FRMPD4: variants seen among roughly 807,000 people sequenced by gnomAD.
FRMPD4 encodes FERM and PDZ domain-containing protein 4.
In FRMPD4, 22 loss-of-function variants were observed where a neutral mutation model predicts 94.1. The ratio of observed to expected loss-of-function variants is 0.23; its 90% CI spans 0.17 to 0.33. The LOEUF (loss-of-function observed/expected upper bound fraction) is 0.33, where lower values mean the gene tolerates loss of function less well. Ranked by LOEUF, FRMPD4 falls within the 10% of genes least tolerant of loss-of-function variation. FRMPD4 has a pLI of 1.00. For missense variants in FRMPD4, 1,111 were observed against 1,339.9 expected (o/e 0.83, Z 2.67); for synonymous variants, 631 against 548.6 (o/e 1.15, Z -2.10).
intron 5 of FRMPD4, among the ~76,000 whole-genome samples, chrX:12,682,843 G>T (rs2059986197): frequency 8.9e-6 from 1 of 111,942 alleles, no homozygotes; most frequent in African/African-American, 3.2e-5. Flanking sequence ...GGAAGAATAT[G>T]AAGTCAACTT....
At chrX:12,609,928 A>C (rs1160592809) in intron 3 of FRMPD4, 47 bp downstream of exon 3, 1 of 1,082,892 alleles carries the variant, frequency 9.2e-7, no homozygotes, top group East Asian at 3.0e-5. Flanking sequence ...TGTCTGCCAC[A>C]CTCTGCCAGA....
At chrX:12,429,309 G>C (rs753072456) in intron 1 of FRMPD4, among the ~76,000 whole-genome samples, 2 of 111,840 alleles carry the variant, frequency 1.8e-5, no homozygotes, top group East Asian at 5.6e-4. Flanking sequence ...ATGGTTGTTT[G>C]ACTGCAATCA....
chrX:12,437,150 C>T (rs1333847979), intron 1 of FRMPD4, among the ~76,000 whole-genome samples: 1 of 109,511 alleles, frequency 9.1e-6, no homozygotes, highest in East Asian at 2.8e-4. Context: ...ATTATTTTTG[C>T]TTCCCTTTCT....
At chrX:12,272,874 G>A (rs2054375504) in intron 1 of FRMPD4, among the ~76,000 whole-genome samples, 1 of 111,189 alleles carries the variant, frequency 9.0e-6, no homozygotes, top group African/African-American at 3.3e-5. Context: ...TTTGAGACCA[G>A]CCTGGTCAAC....
chrX:12,162,923 C>A (rs1348704116), intron 1 of FRMPD4, among the ~76,000 whole-genome samples: 1 of 111,710 alleles, frequency 9.0e-6, no homozygotes, highest in Non-Finnish European at 1.9e-5. Context: ...TTACAGTCTT[C>A]ACCTTTGTGA....
chrX:12,179,518 A>G (rs1020042148), intron 1 of FRMPD4, among the ~76,000 whole-genome samples: 2 of 111,893 alleles, frequency 1.8e-5, no homozygotes, highest in African/African-American at 6.5e-5. Context: ...AGGCTTGTAA[A>G]TCTTGGCTGC....
At chrX:12,344,628 T>A (rs969241698) in intron 1 of FRMPD4, among the ~76,000 whole-genome samples, 7 of 112,475 alleles carry the variant, frequency 6.2e-5, no homozygotes, top group African/African-American at 2.3e-4. Context: ...ATTAAAATAG[T>A]ACTGAGCCCC....
chrX:12,074,729 A>G (rs888624386), intron 3 of FRMPD4, among the ~76,000 whole-genome samples: 7 of 112,677 alleles, frequency 6.2e-5, no homozygotes, highest in Non-Finnish European at 1.1e-4. Flanking sequence ...ATGTTTTGCT[A>G]GCTTTTCTCC....
chrX:12,282,036 T>C (rs994081648), intron 1 of FRMPD4, among the ~76,000 whole-genome samples: 1 of 112,416 alleles, frequency 8.9e-6, no homozygotes, highest in Non-Finnish European at 1.9e-5. Context: ...TAATAGACTA[T>C]TGATACAAAT....
At chrX:12,281,058 A>G (rs2054516434) in intron 1 of FRMPD4, among the ~76,000 whole-genome samples, 1 of 112,272 alleles carries the variant, frequency 8.9e-6, no homozygotes, top group Non-Finnish European at 1.9e-5. Flanking sequence ...AACCCCAAGC[A>G]TTACTGTGGG....
At chrX:12,299,794 C>T (rs1171462500) in intron 1 of FRMPD4, among the ~76,000 whole-genome samples, 2 of 111,580 alleles carry the variant, frequency 1.8e-5, no homozygotes, top group African/African-American at 6.5e-5. Context: ...ACAATAGATG[C>T]GTGGAAGAAT....
intron 3 of FRMPD4, among the ~76,000 whole-genome samples, chrX:12,046,513 G>A (rs181339990): frequency 9.9e-4 from 110 of 111,650 alleles, no homozygotes; most frequent in Non-Finnish European, 1.8e-3. Context: ...GACACCAGTC[G>A]TGAGTCTGGG....
chrX:11,880,473 C>T (rs1454852347), intron 3 of FRMPD4, among the ~76,000 whole-genome samples: 1 of 111,049 alleles, frequency 9.0e-6, no homozygotes, highest in African/African-American at 3.3e-5. Flanking sequence ...AAATTATAGG[C>T]TATATTGCTA....
rs1353464365 is a variant in FRMPD4, at chrX:12,716,153, A to G, written c.1694A>G (p.Glu565Gly). 8.3e-7 allele frequency: 1 copy of G among 1,207,028 alleles called. No homozygotes were observed. Among genetic ancestry groups the G allele is most frequent in the Non-Finnish European group, 1.1e-6 (1 of 891,419 alleles). ...PQMTTFIGEG[E>G]QEAQITYIDS... ...ATGACCACCTTTATTGGCGAAGGGG[A>G]ACAAGAAGCCCAGATAACATACATA... is the stretch of plus-strand genomic sequence containing the variant. Residue 565 changes from glutamate to glycine, a missense_variant, in exon 15 of 17, where the codon GAA becomes GGA. By Grantham distance (98) the Glu-to-Gly change is moderately conservative. Transcript: ENST00000675598.
At chrX:12,180,527 G>C (rs186947649) in intron 1 of FRMPD4, among the ~76,000 whole-genome samples, 2 of 111,909 alleles carry the variant, frequency 1.8e-5, no homozygotes, top group African/African-American at 3.2e-5. Flanking sequence ...ACGTTTAAGA[G>C]ACCATTTGTG....
At chrX:12,680,361 G>C (rs1241069819) in intron 5 of FRMPD4, among the ~76,000 whole-genome samples, 22 of 112,250 alleles carry the variant, frequency 2.0e-4, no homozygotes, top group Non-Finnish European at 3.8e-4. Flanking sequence ...AATTCAGCAG[G>C]CTTTCAAGTG....
At position 11,925,025 on chromosome X, in the gene FRMPD4, C is replaced by G. The variant is rs1184902414; in HGVS notation, c.95+47007C>G. On this transcript the variant is annotated intron_variant, in intron 3 of 18. Transcript: ENST00000640291. Reference sequence around the variant, plus strand: ...AAGAGACCCATCTCACATGCAGTGACACATATAGGCTCAAAATAAAGGGAT... The same window carrying G: ...AAGAGACCCATCTCACATGCAGTGAGACATATAGGCTCAAAATAAAGGGAT... Among the ~76,000 whole-genome samples, 6 of 110,161 alleles carry G rather than the reference C, an allele frequency of 5.4e-5. No individual in the cohort carries two copies. The Admixed American group carries it at 5.8e-4, about 11-fold the overall frequency.
intron 2 of FRMPD4, among the ~76,000 whole-genome samples, chrX:12,573,642 C>T (rs192729859): frequency 9.8e-5 from 11 of 112,666 alleles, no homozygotes; most frequent in Non-Finnish European, 1.7e-4. Flanking sequence ...TCCATATAGT[C>T]TTAACTCCCT....
chrX:12,107,578 G>C (rs1036985352), intron 3 of FRMPD4, among the ~76,000 whole-genome samples: 1 of 112,143 alleles, frequency 8.9e-6, no homozygotes, highest in Non-Finnish European at 1.9e-5. Context: ...AGAGAAGAAG[G>C]CTTCAGATGA....
Sources: gnomAD v4.1 joint callset for allele counts (sites outside exome capture counted in the v4.1 genomes callset) on GRCh38, gnomAD v4.1.1 for gene constraint, MANE v1.5 for transcripts, NCBI Gene and HGNC (gene_info 2026-07-23, HGNC 2026-07-21) for gene names.